PCDHGA5: variants seen among roughly 807,000 people sequenced by gnomAD.
PCDHGA5 encodes protocadherin gamma-A5.
PCDHGA5 carries 36 observed loss-of-function variants against 56.7 expected under a neutral mutation model. The observed-to-expected ratio is 0.64, with a 90% CI of 0.49 to 0.84. The LOEUF (loss-of-function observed/expected upper bound fraction) is 0.84. Ranked by LOEUF, PCDHGA5 falls within the 40% of genes least tolerant of loss-of-function variation. The pLI is 0.00. For synonymous variants in PCDHGA5, 563 were observed against 520.2 expected (o/e 1.08, Z -1.12); for missense variants, 1,305 against 1,201.5 (o/e 1.09, Z -1.27).
chr5:141,383,077 G>A (rs1415482680), intron 1 of PCDHGA5: 2 of 1,613,774 alleles, frequency 1.2e-6, no homozygotes, highest in African/African-American at 2.7e-5. Flanking sequence ...CCGGGAGCTG[G>A]CGGAGCGCGG....
chr5:141,380,608 T>C (rs1014267122), intron 1 of PCDHGA5, among the ~76,000 whole-genome samples: 2 of 152,244 alleles, frequency 1.3e-5, no homozygotes. Flanking sequence ...TATTTAATTT[T>C]ATGATGTTCG....
In PCDHGA5 at chr5:141,390,024, C is replaced by T. The variant is rs1449274096; in HGVS notation, c.2421+23273C>T. ...GATTCTGGCCATTGCCTTGCGCCTG[C>T]GACGCTCCTCCAGCCCCGCCTCCTG... On this transcript the variant is annotated intron_variant, in intron 1 of 3. Transcript: ENST00000518069. 6 of 1,613,926 alleles carry T rather than the reference C, an allele frequency of 3.7e-6. No homozygotes were observed. In the African/African-American group the frequency reaches 4.0e-5, roughly 11 times the overall value.
At chr5:141,498,954 A>G (rs1180380627) in intron 2 of PCDHGA5, among the ~76,000 whole-genome samples, 2 of 134,538 alleles carry the variant, frequency 1.5e-5, no homozygotes, top group Non-Finnish European at 3.2e-5. Context: ...AGAAAAAGAG[A>G]GAGAGGGAGG....
chr5:141,471,408 T>C (rs951728688), intron 1 of PCDHGA5: 1 of 152,166 alleles, frequency 6.6e-6, no homozygotes, highest in Non-Finnish European at 1.5e-5. Flanking sequence ...CTAGGCTTAG[T>C]TATGTTTTTA....
intron 1 of PCDHGA5, chr5:141,478,781 A>G: frequency 6.7e-7 from 1 of 1,485,388 alleles, no homozygotes; most frequent in Non-Finnish European, 9.0e-7. Flanking sequence ...TGTGGACCTA[A>G]TTCACATCCT....
At chr5:141,386,173 C>T (rs72790028) in intron 1 of PCDHGA5, among the ~76,000 whole-genome samples, 9,793 of 152,202 alleles carry the variant, frequency 0.064, 369 homozygotes, top group African/African-American at 0.1. Flanking sequence ...AACCTTAGAC[C>T]ATCTTATGTA....
At chr5:141,404,408 A>C (rs2154535328) in intron 1 of PCDHGA5, 1 of 1,613,900 alleles carries the variant, frequency 6.2e-7, no homozygotes, top group East Asian at 2.2e-5. Flanking sequence ...TGAGAATTCT[A>C]GAGTTATTTA....
At chr5:141,390,008 C>G in intron 1 of PCDHGA5, 1 of 1,614,038 alleles carries the variant, frequency 6.2e-7, no homozygotes, top group South Asian at 1.1e-5. Context: ...TGATTCTGGC[C>G]ATTGCCTTGC....
chr5:141,433,228 C>G (rs2097577964), intron 1 of PCDHGA5: 7 of 1,522,184 alleles, frequency 4.6e-6, no homozygotes, highest in Non-Finnish European at 5.4e-6. Flanking sequence ...TTTAATTGCT[C>G]TGTCTCCCAA....
At chr5:141,427,969 A>G (rs1239461810) in intron 1 of PCDHGA5, 1 of 1,591,942 alleles carries the variant, frequency 6.3e-7, no homozygotes, top group Admixed American at 1.7e-5. Context: ...CGGGTGCTGT[A>G]CCCCGCGCTG....
chr5:141,439,673 C>G (rs1468476569), intron 1 of PCDHGA5, among the ~76,000 whole-genome samples: 1 of 152,174 alleles, frequency 6.6e-6, no homozygotes, highest in Non-Finnish European at 1.5e-5. Flanking sequence ...AATGCAAATC[C>G]AAGAGCAGAC....
rs1292747996 is a variant in PCDHGA5, at chr5:141,475,972, T to C, written c.2422-18835T>C. 2.0e-5 allele frequency: 19 copies of C among 963,712 alleles called. No individual in the cohort carries two copies. In the East Asian group the frequency reaches 3.4e-4, roughly 17 times the overall value. The allele number at this position is 963,712 out of a possible 1,614,324, so 59.7% of individuals were successfully genotyped here. A position where few individuals can be genotyped will look rare whatever the true frequency, so the allele number is the denominator to read the frequency against. ...CTGCGCCCCGGGATGAGGCAGAGAC[T>C]GAACAGCCGGCGAGCAAATCAACGG... On this transcript the variant is annotated intron_variant, in intron 1 of 3. Transcript: ENST00000518069.
chr5:141,475,761 T>C (rs1430719406), intron 1 of PCDHGA5, among the ~76,000 whole-genome samples: 3 of 152,248 alleles, frequency 2.0e-5, no homozygotes, highest in Admixed American at 6.5e-5. Flanking sequence ...GCACCGATAC[T>C]GGCAAGGCGC....
At position 141,476,311 on chromosome 5, in the gene PCDHGA5, G is replaced by C. The variant is rs772962568; in HGVS notation, c.2422-18496G>C. ...ATCTCGGTAGCCTCTCAGCCCGCAGGTTCCGGGTGGTGTCTGGAGCTAGCC... is the reference window on the plus strand; with the variant it reads ...ATCTCGGTAGCCTCTCAGCCCGCAGCTTCCGGGTGGTGTCTGGAGCTAGCC... On this transcript the variant is annotated intron_variant, in intron 1 of 3. Transcript: ENST00000518069. The surrounding 1 kb of genome is among the most constrained non-coding windows in gnomAD (Gnocchi z 7.6). 18 of 1,613,680 alleles carry C rather than the reference G, an allele frequency of 1.1e-5. No homozygotes were observed. Among genetic ancestry groups the C allele is most frequent in the African/African-American group, 2.7e-5 (2 of 74,766 alleles).
At chr5:141,455,860 A>ATTAT (rs145569377) in intron 1 of PCDHGA5, among the ~76,000 whole-genome samples, 7,190 of 139,786 alleles carry the variant, frequency 0.051, 228 homozygotes, top group South Asian at 0.064. Context: ...AATTTCTTTT[A>ATTAT]TTATTTATTT....
In PCDHGA5 at chr5:141,374,846, C is replaced by T. The variant is rs1473498001; in HGVS notation, c.2421+8095C>T. 4.3e-6 allele frequency: 7 copies of T among 1,613,724 alleles called. No individual in the cohort carries two copies. In the African/African-American group the frequency reaches 8.0e-5, roughly 18 times the overall value. On this transcript the variant is annotated intron_variant, in intron 1 of 3. Coordinates refer to ENST00000518069, the MANE Select transcript of PCDHGA5 (RefSeq NM_018918.3). ...CTACCGTGTAAGTGTTCCTGAAAAC[C>T]TGCCAGTAGGCACACCAGTGTTGGC...
At chr5:141,389,794 G>A (rs1015982333) in intron 1 of PCDHGA5, 21 of 1,613,396 alleles carry the variant, frequency 1.3e-5, no homozygotes, top group East Asian at 2.2e-5. Flanking sequence ...GACGCCGTCC[G>A]CCAGCGCCTT....
intron 1 of PCDHGA5, chr5:141,383,909 T>A: frequency 6.2e-7 from 1 of 1,613,856 alleles, no homozygotes; most frequent in Non-Finnish European, 8.5e-7. Context: ...CTGATCACAG[T>A]TTTAGATGTA....
chr5:141,376,457 C>T (rs945491393), intron 1 of PCDHGA5: 1 of 1,614,214 alleles, frequency 6.2e-7, no homozygotes, highest in Non-Finnish European at 8.5e-7. Context: ...CGAGCCTCTT[C>T]TGATAACTCA....
Sources: gnomAD v4.1 joint callset for allele counts (sites outside exome capture counted in the v4.1 genomes callset) on GRCh38, gnomAD v4.1.1 for gene constraint, Gnocchi (gnomAD v3.1) non-coding constraint, MANE v1.5 for transcripts, NCBI Gene and HGNC (gene_info 2026-07-23, HGNC 2026-07-21) for gene names.